CDKN2B-AS1: variants seen among roughly 807,000 people sequenced by gnomAD.
CDKN2B-AS1 encodes CDKN2B antisense RNA 1 (non-protein coding).
At chr9:22,073,440 A>G (rs183918209) in intron 4 of CDKN2B-AS1, among the ~76,000 whole-genome samples, 3 of 152,292 alleles carry the variant, frequency 2.0e-5, no homozygotes, top group East Asian at 1.9e-4. Flanking sequence ...ACACCAAGCC[A>G]TGTGTATTTA....
chr9:22,008,069 A>G (rs1458309889), intron 1 of CDKN2B-AS1, among the ~76,000 whole-genome samples: 1 of 152,248 alleles, frequency 6.6e-6, no homozygotes, highest in Non-Finnish European at 1.5e-5. Context: ...TAATTAAAGC[A>G]GGATTCGTAC....
At chr9:22,103,822 TG>T (rs1048282160) in intron 4 of CDKN2B-AS1, among the ~76,000 whole-genome samples, 4 of 152,244 alleles carry the variant, frequency 2.6e-5, no homozygotes, top group Admixed American at 2.6e-4. Flanking sequence ...ACAGGCACAT[TG>T]GGGTTTTCTG....
At chr9:22,068,390 A>G (rs1302036143) in intron 4 of CDKN2B-AS1, among the ~76,000 whole-genome samples, 1 of 152,198 alleles carries the variant, frequency 6.6e-6, no homozygotes, top group Non-Finnish European at 1.5e-5. Flanking sequence ...CGTGGGAAAT[A>G]TCACTGGGGA....
In CDKN2B-AS1 at chr9:22,101,604, GTTTTC is replaced by G. The variant is rs570803553; in HGVS notation, n.439-25494_439-25490del. 4.0e-3 allele frequency among the ~76,000 whole-genome samples: 602 copies of G among 150,860 alleles called. 4 individuals carry two copies. Among genetic ancestry groups the G allele is most frequent in the African/African-American group, 0.014 (564 of 40,902 alleles). ...TTCAGCTTTCTCTGGTGAATAATTTGTTTTCTTTTATTTTTCCTTCTAAAATAATC... is the reference window on the plus strand; with the variant it reads ...TTCAGCTTTCTCTGGTGAATAATTTGTTTTATTTTTCCTTCTAAAATAATC... On this transcript the variant is annotated intron_variant and non_coding_transcript_variant, in intron 4 of 4. Transcript: ENST00000650946.
chr9:22,080,036 G>A (rs1195818357), intron 4 of CDKN2B-AS1, among the ~76,000 whole-genome samples: 1 of 152,242 alleles, frequency 6.6e-6, no homozygotes, highest in Admixed American at 6.5e-5. Context: ...AAAACCAGGT[G>A]TGTCCCACAC....
At chr9:22,082,923 A>G (rs1432965464) in intron 4 of CDKN2B-AS1, among the ~76,000 whole-genome samples, 1 of 152,172 alleles carries the variant, frequency 6.6e-6, no homozygotes, top group Non-Finnish European at 1.5e-5. Context: ...GATAGTGATC[A>G]TTAGAGGTTC....
At chr9:22,105,949 C>T (rs768472656) in intron 4 of CDKN2B-AS1, among the ~76,000 whole-genome samples, 4 of 152,188 alleles carry the variant, frequency 2.6e-5, no homozygotes, top group Non-Finnish European at 4.4e-5. Flanking sequence ...CCAGCTCTGT[C>T]GCCCAGGCCG....
chr9:22,008,746 G>A (rs1197262130), intron 1 of CDKN2B-AS1: 3 of 1,610,300 alleles, frequency 1.9e-6, no homozygotes, highest in African/African-American at 1.3e-5. Context: ...CGCCGAGGCC[G>A]CGCCCCGCGT....
At chr9:22,049,893 A>T (rs62827162) in intron 3 of CDKN2B-AS1, among the ~76,000 whole-genome samples, 5 of 42,052 alleles carry the variant, frequency 1.2e-4, no homozygotes, top group South Asian at 9.7e-4. Context: ...TTCCTTAAAT[A>T]TTTTTTTTCT....
chr9:22,006,641 A>T lies in CDKN2B-AS1; in HGVS notation n.29+11480A>T, dbSNP rs1821203140. ...AAGTTTTAAATTATTTGCCTTGCTGACCCCTCCTCCATAATCCAGGTCTAC... is the reference window on the plus strand; with the variant it reads ...AAGTTTTAAATTATTTGCCTTGCTGTCCCCTCCTCCATAATCCAGGTCTAC... On this transcript the variant is annotated intron_variant and non_coding_transcript_variant, in intron 1 of 4. Coordinates refer to ENST00000650946, the Ensembl canonical transcript of CDKN2B-AS1. The surrounding 1 kb of genome is among the most constrained non-coding windows in gnomAD (Gnocchi z 6.4). Among the ~76,000 whole-genome samples, 1 of 152,058 alleles carries T rather than the reference A, an allele frequency of 6.6e-6. No individual in the cohort carries two copies. The highest frequency in any genetic ancestry group is 2.1e-4 in the South Asian group (1 of 4,828).
intron 4 of CDKN2B-AS1, among the ~76,000 whole-genome samples, chr9:22,087,381 G>C (rs1228726463): frequency 6.6e-6 from 1 of 152,170 alleles, no homozygotes; most frequent in Non-Finnish European, 1.5e-5. Context: ...CAAGAAACTG[G>C]ATCCCTGATG....
intron 1 of CDKN2B-AS1, among the ~76,000 whole-genome samples, chr9:22,026,331 C>T (rs554681602): frequency 6.6e-6 from 1 of 152,078 alleles, no homozygotes. Flanking sequence ...GGAGGTCCCG[C>T]CTGTAAGGAT....
chr9:22,096,849 G>C (rs184379985), intron 4 of CDKN2B-AS1, among the ~76,000 whole-genome samples: 11 of 152,164 alleles, frequency 7.2e-5, no homozygotes, highest in African/African-American at 2.6e-4. Context: ...CAATCTATTA[G>C]ACTCAGGCAT....
intron 4 of CDKN2B-AS1, among the ~76,000 whole-genome samples, chr9:22,114,983 C>G (rs1370657516): frequency 6.6e-6 from 1 of 152,174 alleles, no homozygotes; most frequent in Admixed American, 6.5e-5. Context: ...CCCTTACTAT[C>G]CTGGTTGCCC....
intron 4 of CDKN2B-AS1, among the ~76,000 whole-genome samples, chr9:22,125,996 A>T (rs964201488): frequency 6.6e-6 from 1 of 152,210 alleles, no homozygotes; most frequent in Non-Finnish European, 1.5e-5. Context: ...CTTACAGTTG[A>T]TCCTTGAATA....
At chr9:22,019,370 G>A (rs1821923921) in intron 1 of CDKN2B-AS1, among the ~76,000 whole-genome samples, 1 of 152,166 alleles carries the variant, frequency 6.6e-6, no homozygotes, top group Admixed American at 6.5e-5. Flanking sequence ...TGGTAGCTTG[G>A]ACTAAAGTGC....
intron 1 of CDKN2B-AS1, among the ~76,000 whole-genome samples, chr9:22,041,714 G>C (rs914515460): frequency 6.6e-6 from 1 of 151,910 alleles, no homozygotes; most frequent in Non-Finnish European, 1.5e-5. Flanking sequence ...CTTTATATTT[G>C]AAGATACTTT....
Position 22,006,067 on chromosome 9 carries a change from C to A in CDKN2B-AS1, n.29+10906C>A. The stretch of plus-strand genomic sequence containing the variant: ...TCGGCCAAGTCCACGGGCAGACGAC[C>A]CCAGGCATCGCGCACGTCCAGCCGC... On this transcript the variant is annotated intron_variant and non_coding_transcript_variant, in intron 1 of 4. Transcript: ENST00000650946. The surrounding 1 kb of genome is among the most constrained non-coding windows in gnomAD (Gnocchi z 6.4). 1 of 1,606,434 alleles carries A rather than the reference C, an allele frequency of 6.2e-7. No individual in the cohort carries two copies. Among genetic ancestry groups the A allele is most frequent in the Non-Finnish European group, 8.5e-7 (1 of 1,179,670 alleles).
intron 1 of CDKN2B-AS1, chr9:22,046,643 G>C (rs1027097884): frequency 2.0e-5 from 3 of 152,106 alleles, no homozygotes; most frequent in African/African-American, 7.2e-5. Context: ...CACTATCCAA[G>C]GTGATAAAAG....
Sources: allele counts gnomAD v4.1 joint callset (sites outside exome capture counted in the v4.1 genomes callset), GRCh38; gene constraint gnomAD v4.1.1; non-coding constraint Gnocchi (gnomAD v3.1); transcripts MANE v1.5; gene names NCBI Gene and HGNC (gene_info 2026-07-23, HGNC 2026-07-21).